The following DCC variants were observed in gnomAD, a reference collection of about 807,000 sequenced individuals.
The protein encoded by DCC is DCC netrin 1 receptor.
Under a neutral mutation model 172.5 loss-of-function variants are expected in DCC, and 58 were observed. The observed-to-expected ratio is 0.34, with a 90% CI of 0.27 to 0.42. The LOEUF (loss-of-function observed/expected upper bound fraction) is 0.42. Ranked by LOEUF, DCC falls within the 10% of genes least tolerant of loss-of-function variation. The pLI is 1.00. For synonymous variants in DCC, 709 were observed against 644.5 expected (o/e 1.10, Z -1.52); for missense variants, 1,740 against 1,791.0 (o/e 0.97, Z 0.51).
chr18:53,066,383 A>G (rs1188471859), intron 7 of DCC, among the ~76,000 whole-genome samples: 65 of 115,930 alleles, frequency 5.6e-4, no homozygotes, highest in South Asian at 4.0e-3. Flanking sequence ...ATATATATAT[A>G]TATATATATA....
chr18:52,428,043 C>A (rs1211163920), intron 1 of DCC, among the ~76,000 whole-genome samples: 1 of 152,040 alleles, frequency 6.6e-6, no homozygotes, highest in Non-Finnish European at 1.5e-5. Flanking sequence ...GTTTATTCCC[C>A]TTGGCCTGGC....
chr18:52,543,612 C>A (rs1385205423), intron 1 of DCC, among the ~76,000 whole-genome samples: 1 of 152,156 alleles, frequency 6.6e-6, no homozygotes, highest in East Asian at 1.9e-4. Context: ...AATTGTGAAA[C>A]CCTTGGGGCT....
chr18:53,459,305 C>T lies in DCC; in HGVS notation c.3466C>T (p.His1156Tyr). The change falls in exon 24 of 29, where the codon CAT (histidine) becomes TAT (tyrosine). Residue 1156 changes from histidine to tyrosine, a missense_variant. His to Tyr is a moderately conservative substitution (Grantham distance 83, BLOSUM62 2). Around this residue, in one of 2 missense-constraint regions of DCC, gnomAD observed 1,732 missense variants for 1,767.4 expected, o/e 0.98. Transcript: ENST00000442544. The stretch of plus-strand genomic sequence containing the variant: ...CCTCCGACCCCCTGATCTTTGGATC[C>T]ATCATGAAGAAATGGAGATGAAAAA... ...KDLRPPDLWI[H>Y]HEEMEMKNIE... The T allele has an allele frequency of 6.2e-7, 1 of 1,614,052 alleles. No homozygotes were observed. The highest frequency in any genetic ancestry group is 8.5e-7 in the Non-Finnish European group (1 of 1,179,996).
chr18:52,923,877 T>G lies in DCC; in HGVS notation c.848+20T>G. 2 of 1,599,656 alleles carry G rather than the reference T, an allele frequency of 1.3e-6. No individual in the cohort carries two copies. Among genetic ancestry groups the G allele is most frequent in the South Asian group, 2.2e-5 (2 of 90,882 alleles). ...ACTCAGGTATTTCACATTTAAGACT[T>G]TTTTGTAAAGTGTACTTTTGTATGG... is the stretch of plus-strand genomic sequence containing the variant. On this transcript the variant is annotated intron_variant, in intron 4 of 28. Transcript: ENST00000442544.
At chr18:52,450,860 T>G (rs2144516087) in intron 1 of DCC, among the ~76,000 whole-genome samples, 1 of 152,326 alleles carries the variant, frequency 6.6e-6, no homozygotes, top group Non-Finnish European at 1.5e-5. Context: ...CAGGCTTAAC[T>G]TGAAGAAAAT....
intron 1 of DCC, among the ~76,000 whole-genome samples, chr18:52,626,521 T>G (rs1391850842): frequency 6.6e-6 from 1 of 152,094 alleles, no homozygotes; most frequent in African/African-American, 2.4e-5. Context: ...AAAACCTCAA[T>G]TAGGTTGTCC....
At chr18:52,857,043 C>T (rs1255444111) in intron 2 of DCC, among the ~76,000 whole-genome samples, 2 of 152,162 alleles carry the variant, frequency 1.3e-5, no homozygotes, top group African/African-American at 4.8e-5. Flanking sequence ...TTTAGCTTTT[C>T]TGCTTCATAA....
intron 12 of DCC, among the ~76,000 whole-genome samples, chr18:53,243,518 T>C (rs7232783): frequency 0.92 from 139,518 of 152,188 alleles, 64,156 homozygotes; most frequent in African/African-American, 0.97. Flanking sequence ...ACTAGTTGCC[T>C]CTTTGTTTCT....
intron 1 of DCC, among the ~76,000 whole-genome samples, chr18:52,490,725 T>C (rs1008800043): frequency 6.6e-6 from 1 of 152,104 alleles, no homozygotes; most frequent in Admixed American, 6.6e-5. Flanking sequence ...TTGGGCATCA[T>C]TGGTAACATT....
chr18:53,192,344 C>T (rs2055377801), intron 9 of DCC, among the ~76,000 whole-genome samples: 2 of 152,056 alleles, frequency 1.3e-5, no homozygotes, highest in South Asian at 4.1e-4. Context: ...TTATCTTGGG[C>T]TCATTTTTTC....
intron 5 of DCC, among the ~76,000 whole-genome samples, chr18:52,929,937 G>T (rs2040280915): frequency 6.6e-6 from 1 of 151,188 alleles, no homozygotes; most frequent in African/African-American, 2.4e-5. Flanking sequence ...GATAAATCAT[G>T]GCATCTTTCT....
chr18:53,247,719 G>C (rs1295601795), intron 12 of DCC, among the ~76,000 whole-genome samples: 1 of 151,964 alleles, frequency 6.6e-6, no homozygotes, highest in African/African-American at 2.4e-5. Context: ...ATGATTTAAT[G>C]CACACTCTTG....
At chr18:53,456,554 T>C (rs2045485526) in intron 23 of DCC, among the ~76,000 whole-genome samples, 1 of 152,228 alleles carries the variant, frequency 6.6e-6, no homozygotes, top group Non-Finnish European at 1.5e-5. Context: ...TAATTCACTA[T>C]GATAGTGCTT....
At position 52,943,831 on chromosome 18, in the gene DCC, C is replaced by T. The variant is rs2040500300; in HGVS notation, c.985+18461C>T. 2.0e-5 allele frequency among the ~76,000 whole-genome samples: 3 copies of T among 152,124 alleles called. No homozygotes were observed. The South Asian group carries it at 6.2e-4, about 31-fold the overall frequency. ...GTGGTGTGATCTTGGCTCACTGTAG[C>T]TTCCGCCTCCTGGGTTCAAGTGATT... On this transcript the variant is annotated intron_variant, in intron 5 of 28. Coordinates refer to ENST00000442544, the MANE Select transcript of DCC (RefSeq NM_005215.4).
chr18:52,378,738 G>C (rs1403569551), intron 1 of DCC, among the ~76,000 whole-genome samples: 2 of 151,940 alleles, frequency 1.3e-5, no homozygotes, highest in Non-Finnish European at 2.9e-5. Flanking sequence ...TGTAGATATG[G>C]GGTTTTGTCA....
At chr18:53,143,723 T>C (rs1355464299) in intron 7 of DCC, among the ~76,000 whole-genome samples, 2 of 152,252 alleles carry the variant, frequency 1.3e-5, no homozygotes, top group Non-Finnish European at 1.5e-5. Context: ...TTATAGTCAG[T>C]AATTTTAAAA....
intron 12 of DCC, among the ~76,000 whole-genome samples, chr18:53,246,949 G>A (rs73957123): frequency 0.042 from 6,435 of 152,060 alleles, 420 homozygotes; most frequent in African/African-American, 0.14. Context: ...TATAAATGAT[G>A]GTTGGGTTTC....
intron 15 of DCC, among the ~76,000 whole-genome samples, chr18:53,374,700 G>A (rs867321525): frequency 2.0e-5 from 3 of 151,934 alleles, no homozygotes; most frequent in East Asian, 1.9e-4. Context: ...ATTCATACAC[G>A]TACCCACACA....
intron 5 of DCC, among the ~76,000 whole-genome samples, chr18:52,933,626 T>G (rs2040340657): frequency 6.6e-6 from 1 of 152,080 alleles, no homozygotes; most frequent in Non-Finnish European, 1.5e-5. Context: ...AGATTTATCT[T>G]AAGGGCAGTG....
Sources: allele counts gnomAD v4.1 joint callset (sites outside exome capture counted in the v4.1 genomes callset), GRCh38; gene constraint gnomAD v4.1.1; regional missense constraint gnomAD v4.1.1; transcripts MANE v1.5; gene names NCBI Gene and HGNC (gene_info 2026-07-23, HGNC 2026-07-21).